SCD5: variants seen among roughly 807,000 people sequenced by gnomAD.
The protein encoded by SCD5 is acyl-CoA-desaturase 4.
In SCD5, 20 loss-of-function variants were observed where a neutral mutation model predicts 30.4. That is an observed-to-expected ratio of 0.66 (90% confidence interval 0.46 to 0.96). SCD5 has a LOEUF of 0.96. Among genes scored for constraint, SCD5 ranks in the 40% least tolerant of loss-of-function variants. SCD5 has a pLI of 0.00. For synonymous variants in SCD5, 173 were observed against 176.4 expected, an observed-to-expected ratio of 0.98 and a Z score of 0.16; for missense variants, 381 against 443.3, an observed-to-expected ratio of 0.86 and a Z score of 1.26.
At chr4:82,664,045 A>C (rs1728107017) in intron 3 of SCD5, among the ~76,000 whole-genome samples, 2 of 152,230 alleles carry the variant, frequency 1.3e-5, no homozygotes, top group African/African-American at 2.4e-5. Context: ...ATGCACAGAG[A>C]CACAAACAAC....
chr4:82,642,450 C>A (rs1727564652), intron 3 of SCD5, among the ~76,000 whole-genome samples: 1 of 152,186 alleles, frequency 6.6e-6, no homozygotes, highest in South Asian at 2.1e-4. Context: ...ATACTGTGTA[C>A]ACTCTAGACA....
intron 1 of SCD5, among the ~76,000 whole-genome samples, chr4:82,772,494 G>C (rs1447447665): frequency 2.0e-5 from 3 of 152,230 alleles, no homozygotes; most frequent in African/African-American, 7.2e-5. Flanking sequence ...TCAGTGGCTT[G>C]AAGCAACAAC....
At chr4:82,743,116 C>G (rs936968370) in intron 1 of SCD5, among the ~76,000 whole-genome samples, 2 of 152,106 alleles carry the variant, frequency 1.3e-5, no homozygotes, top group Non-Finnish European at 2.9e-5. Flanking sequence ...AACATTAAAT[C>G]AAGTTCAAAG....
intron 1 of SCD5, among the ~76,000 whole-genome samples, chr4:82,771,864 C>A (rs1721629676): frequency 6.6e-6 from 1 of 152,232 alleles, no homozygotes; most frequent in Admixed American, 6.5e-5. Context: ...TCATTCCCAA[C>A]CACATCTTGT....
intron 3 of SCD5, among the ~76,000 whole-genome samples, chr4:82,664,983 C>A (rs1372869924): frequency 2.8e-5 from 3 of 108,970 alleles, no homozygotes; most frequent in African/African-American, 1.5e-4. Context: ...CTCTCTCTCT[C>A]TCTCTCTCTC....
intron 1 of SCD5, among the ~76,000 whole-genome samples, chr4:82,709,272 T>C (rs1720030647): frequency 6.6e-6 from 1 of 152,190 alleles, no homozygotes; most frequent in African/African-American, 2.4e-5. Context: ...ACCATCATTC[T>C]GCATCCCATT....
intron 4 of SCD5, among the ~76,000 whole-genome samples, chr4:82,633,024 T>C (rs1560519360): frequency 6.6e-6 from 1 of 152,210 alleles, no homozygotes; most frequent in Non-Finnish European, 1.5e-5. Flanking sequence ...TCAGTGATTT[T>C]CAAGAATACA....
chr4:82,748,230 G>C (rs978468009), intron 1 of SCD5, among the ~76,000 whole-genome samples: 2 of 152,136 alleles, frequency 1.3e-5, no homozygotes, highest in African/African-American at 4.8e-5. Flanking sequence ...ACGATGAAAA[G>C]GGCCCATCCA....
chr4:82,705,744 A>G (rs1383059934), intron 1 of SCD5, among the ~76,000 whole-genome samples: 4 of 151,850 alleles, frequency 2.6e-5, no homozygotes, highest in African/African-American at 9.7e-5. Flanking sequence ...TCACACATAC[A>G]CTCTCGGCAG....
At chr4:82,716,525 G>A (rs752988109) in intron 1 of SCD5, among the ~76,000 whole-genome samples, 3 of 151,804 alleles carry the variant, frequency 2.0e-5, no homozygotes, top group African/African-American at 2.4e-5. Flanking sequence ...AAATATTTGC[G>A]GAAGAAGCCT....
intron 4 of SCD5, among the ~76,000 whole-genome samples, chr4:82,633,132 A>G (rs1458620551): frequency 6.6e-6 from 1 of 152,150 alleles, no homozygotes; most frequent in Non-Finnish European, 1.5e-5. Context: ...CCCTTTGACC[A>G]ATATCTCTCA....
intron 2 of SCD5, among the ~76,000 whole-genome samples, chr4:82,690,901 G>T (rs531186669): frequency 1.8e-3 from 269 of 152,336 alleles, no homozygotes; most frequent in Non-Finnish European, 2.7e-3. Flanking sequence ...TAAACATAAA[G>T]TAAATGAAGT....
intron 3 of SCD5, among the ~76,000 whole-genome samples, chr4:82,661,311 C>T (rs72661221): frequency 2.3e-4 from 35 of 152,314 alleles, no homozygotes; most frequent in Non-Finnish European, 3.8e-4. Context: ...ACAGCCTGCA[C>T]ATGACTAATC....
intron 2 of SCD5, among the ~76,000 whole-genome samples, chr4:82,695,396 C>G (rs1160025872): frequency 6.6e-6 from 1 of 151,716 alleles, no homozygotes; most frequent in Non-Finnish European, 1.5e-5. Context: ...TGATCTTGAA[C>G]TAAAAGGTGG....
rs55901073 is a variant in SCD5, at chr4:82,632,185, C to A, written c.803-668G>T. ...TTTCTCCTAATGCTATCCCTCCCCC[C>A]TCCCCCCACCCCACGACAGGCCCCG... is the stretch of plus-strand genomic sequence containing the variant. On this transcript the variant is annotated intron_variant, in intron 4 of 4. Transcript: ENST00000319540. Among the ~76,000 whole-genome samples the A allele has an allele frequency of 3.6e-5, 4 of 111,172 alleles. No homozygotes were observed. The South Asian group carries it at 1.4e-3, about 40-fold the overall frequency. 72.9% of individuals were successfully genotyped at this position (111,172 alleles called of 152,430 possible).
At chr4:82,720,858 A>C (rs985685099) in intron 1 of SCD5, among the ~76,000 whole-genome samples, 3 of 152,124 alleles carry the variant, frequency 2.0e-5, no homozygotes, top group African/African-American at 7.2e-5. Flanking sequence ...AACATCTCCA[A>C]AGGGCTGTCC....
chr4:82,718,108 A>C (rs1720272011), intron 1 of SCD5, among the ~76,000 whole-genome samples: 2 of 149,756 alleles, frequency 1.3e-5, no homozygotes, highest in Admixed American at 1.3e-4. Context: ...AATCTCTCTA[A>C]GGGAATAAAG....
At chr4:82,691,037 G>A (rs1001214289) in intron 2 of SCD5, among the ~76,000 whole-genome samples, 6 of 151,888 alleles carry the variant, frequency 4.0e-5, no homozygotes, top group African/African-American at 9.7e-5. Flanking sequence ...GTTTTGTTTT[G>A]TTTTTGAGAT....
chr4:82,734,534 A>T (rs531779298), intron 1 of SCD5, among the ~76,000 whole-genome samples: 72 of 152,328 alleles, frequency 4.7e-4, no homozygotes, highest in African/African-American at 1.7e-3. Context: ...AAGGAGATGT[A>T]AGGGTTTACC....
Sources: allele counts gnomAD v4.1 joint callset (sites outside exome capture counted in the v4.1 genomes callset), GRCh38; gene constraint gnomAD v4.1.1; transcripts MANE v1.5; gene names NCBI Gene and HGNC (gene_info 2026-07-23, HGNC 2026-07-21).